The following THSD7B variants were observed in gnomAD, a reference collection of about 807,000 sequenced individuals.
THSD7B encodes thrombospondin type-1 domain-containing protein 7B.
Under a neutral mutation model 213.6 loss-of-function variants are expected in THSD7B, and 138 were observed. The observed-to-expected ratio is 0.65, with a 90% CI of 0.56 to 0.74. THSD7B has a LOEUF of 0.74. Among genes scored for constraint, THSD7B ranks in the 30% least tolerant of loss-of-function variants. The pLI, the probability that THSD7B is intolerant of heterozygous loss-of-function variation, is 0.00. For missense variants in THSD7B, 1,931 were observed against 1,991.5 expected (o/e 0.97, Z 0.58); for synonymous variants, 742 against 687.0 (o/e 1.08, Z -1.25).
intron 15 of THSD7B, among the ~76,000 whole-genome samples, chr2:137,520,240 CATTA>C: frequency 6.6e-6 from 1 of 152,102 alleles, no homozygotes; most frequent in South Asian, 2.1e-4. Context: ...CTCTTGGATT[CATTA>C]ATTCTTTTTA....
At chr2:136,969,382 A>G (rs1416348961) in intron 2 of THSD7B, among the ~76,000 whole-genome samples, 7 of 152,206 alleles carry the variant, frequency 4.6e-5, no homozygotes, top group Non-Finnish European at 7.3e-5. Flanking sequence ...AAAATATTTT[A>G]CATTAAAGTT....
At chr2:136,778,388 C>T (rs979433281) in intron 1 of THSD7B, among the ~76,000 whole-genome samples, 1 of 152,164 alleles carries the variant, frequency 6.6e-6, no homozygotes, top group Non-Finnish European at 1.5e-5. Flanking sequence ...TCAGTTCAAG[C>T]TTTGGTGTCC....
At chr2:136,947,789 C>G (rs949930388) in intron 2 of THSD7B, among the ~76,000 whole-genome samples, 1 of 152,032 alleles carries the variant, frequency 6.6e-6, no homozygotes. Flanking sequence ...TTTTTTGCCT[C>G]TGCATTTAAT....
intron 2 of THSD7B, among the ~76,000 whole-genome samples, chr2:136,908,015 G>A (rs574700648): frequency 6.6e-6 from 1 of 152,262 alleles, no homozygotes; most frequent in Non-Finnish European, 1.5e-5. Context: ...GTATCTTACA[G>A]TTCTCAAAAT....
chr2:137,043,631 C>A (rs547112063), intron 2 of THSD7B, among the ~76,000 whole-genome samples: 55 of 152,246 alleles, frequency 3.6e-4, no homozygotes, highest in Non-Finnish European at 6.2e-4. Context: ...CTCCTTACCT[C>A]AGAAATACCC....
intron 2 of THSD7B, among the ~76,000 whole-genome samples, chr2:136,948,173 C>T (rs1221112148): frequency 2.0e-5 from 3 of 152,052 alleles, no homozygotes; most frequent in African/African-American, 7.2e-5. Context: ...TGACTGAATG[C>T]ATGAAAACCA....
At chr2:137,329,719 G>T (rs1398419653) in intron 12 of THSD7B, among the ~76,000 whole-genome samples, 2 of 152,200 alleles carry the variant, frequency 1.3e-5, no homozygotes, top group Non-Finnish European at 2.9e-5. Context: ...GAGGATAAAA[G>T]TTTGGAAAAT....
intron 3 of THSD7B, among the ~76,000 whole-genome samples, chr2:137,065,377 T>C (rs1424748166): frequency 6.6e-6 from 1 of 152,150 alleles, no homozygotes; most frequent in Non-Finnish European, 1.5e-5. Context: ...GTAACTTTAC[T>C]AAATTTATCA....
chr2:136,847,553 A>AT (rs1467647849), intron 1 of THSD7B, among the ~76,000 whole-genome samples: 3 of 152,050 alleles, frequency 2.0e-5, no homozygotes, highest in Non-Finnish European at 2.9e-5. Context: ...ATATATCTGG[A>AT]TTTTTTCATA....
At chr2:136,890,678 T>G (rs992339869) in intron 2 of THSD7B, among the ~76,000 whole-genome samples, 1 of 150,656 alleles carries the variant, frequency 6.6e-6, no homozygotes, top group African/African-American at 2.4e-5. Context: ...TAGCTGGGAT[T>G]ACAGGCATCC....
chr2:137,050,401 G>T (rs961681869), intron 2 of THSD7B, among the ~76,000 whole-genome samples: 1 of 152,158 alleles, frequency 6.6e-6, no homozygotes, highest in South Asian at 2.1e-4. Flanking sequence ...CTAATAATTT[G>T]TAATCAAAAG....
chr2:137,405,557 C>T (rs965453743), intron 12 of THSD7B, 56 bp from the exon 13 acceptor site: 1 of 1,491,786 alleles, frequency 6.7e-7, no homozygotes, highest in Non-Finnish European at 9.0e-7. Context: ...GTCAAAGAAC[C>T]AGCAGCTGAC....
chr2:136,927,294 G>C (rs1317300052), intron 2 of THSD7B, among the ~76,000 whole-genome samples: 1 of 94,374 alleles, frequency 1.1e-5, no homozygotes, highest in Admixed American at 1.2e-4. Context: ...AACATTACCT[G>C]CTGAGTGAGC....
chr2:137,248,535 G>A (rs1029265272), intron 10 of THSD7B, among the ~76,000 whole-genome samples: 3 of 152,130 alleles, frequency 2.0e-5, no homozygotes, highest in African/African-American at 7.2e-5. Flanking sequence ...AGGTCAATTA[G>A]GGAACTGGTC....
chr2:137,422,105 G>A (rs1363749450), intron 14 of THSD7B, among the ~76,000 whole-genome samples: 1 of 152,308 alleles, frequency 6.6e-6, no homozygotes, highest in East Asian at 1.9e-4. Context: ...ACGGTTTGAA[G>A]CATTCGCAGA....
Position 137,056,823 on chromosome 2 carries a change from A to G in THSD7B, c.543A>G (p.Val181=). 1.9e-6 allele frequency: 3 copies of G among 1,613,954 alleles called. No individual in the cohort carries two copies. The highest frequency in any genetic ancestry group is 1.7e-5 in the Admixed American group (1 of 60,028). The change falls in exon 3 of 28, where the codon GTA becomes GTG. Residue 181 remains valine, a synonymous_variant. Coordinates refer to ENST00000409968, the MANE Select transcript of THSD7B (RefSeq NM_001316349.2). ...ACLIPCPRDC[V]VSEFLPWSNC... Reference sequence around the variant, plus strand: ...TCATTCCTTGTCCCCGGGATTGTGTAGTATCTGAGTTCTTACCATGGTCCA... The same window carrying G: ...TCATTCCTTGTCCCCGGGATTGTGTGGTATCTGAGTTCTTACCATGGTCCA...
intron 20 of THSD7B, among the ~76,000 whole-genome samples, chr2:137,626,617 C>T (rs1453814363): frequency 6.6e-6 from 1 of 152,142 alleles, no homozygotes; most frequent in Non-Finnish European, 1.5e-5. Context: ...CCTGAAGATA[C>T]TGTTTCATTC....
At chr2:136,909,006 C>T (rs1228991243) in intron 2 of THSD7B, among the ~76,000 whole-genome samples, 2 of 151,936 alleles carry the variant, frequency 1.3e-5, no homozygotes, top group Admixed American at 1.3e-4. Flanking sequence ...CATGGCAAGA[C>T]CCAATCTCTA....
chr2:137,134,834 G>A (rs1172978181), intron 5 of THSD7B, among the ~76,000 whole-genome samples: 2 of 152,084 alleles, frequency 1.3e-5, no homozygotes, highest in African/African-American at 4.8e-5. Flanking sequence ...TTTTTCAGAT[G>A]TAGAATAGGA....
Sources: gnomAD v4.1 joint callset for allele counts (sites outside exome capture counted in the v4.1 genomes callset) on GRCh38, gnomAD v4.1.1 for gene constraint, MANE v1.5 for transcripts, NCBI Gene and HGNC (gene_info 2026-07-23, HGNC 2026-07-21) for gene names.